EXOC4: variants seen among roughly 807,000 people sequenced by gnomAD.
The protein encoded by EXOC4 is exocyst complex component 4, also known as SEC8-like 1.
In EXOC4, 71 loss-of-function variants were observed where a neutral mutation model predicts 107.2. The ratio of observed to expected loss-of-function variants is 0.66; its 90% CI spans 0.55 to 0.81. The LOEUF is 0.81. Among genes scored for constraint, EXOC4 ranks in the 30% least tolerant of loss-of-function variants. The pLI, the probability that EXOC4 is intolerant of heterozygous loss-of-function variation, is 0.00. For missense variants in EXOC4, 1,108 were observed against 1,189.6 expected (o/e 0.93, Z 1.01); for synonymous variants, 456 against 441.2 (o/e 1.03, Z -0.42).
intron 7 of EXOC4, among the ~76,000 whole-genome samples, chr7:133,428,735 G>A (rs1797784097): frequency 6.6e-6 from 1 of 152,140 alleles, no homozygotes; most frequent in Admixed American, 6.5e-5. Context: ...TTTCTGGTAT[G>A]CCACTTGCTT....
intron 9 of EXOC4, among the ~76,000 whole-genome samples, chr7:133,498,199 A>G (rs1016681205): frequency 6.6e-5 from 10 of 151,750 alleles, no homozygotes; most frequent in African/African-American, 1.9e-4. Context: ...GGCATCCTTG[A>G]CTCCTCCTTC....
At chr7:134,008,327 A>G (rs1434285156) in intron 17 of EXOC4, among the ~76,000 whole-genome samples, 1 of 152,128 alleles carries the variant, frequency 6.6e-6, no homozygotes, top group Non-Finnish European at 1.5e-5. Context: ...GTTTTCCCCT[A>G]TCAATAACGT....
rs564123018 is a variant in EXOC4 at position 133,287,159 on chromosome 7, C to G, written c.277-1763C>G. ...TACCATCCCTTATTTGCTGTTCTTC[C>G]TCTCTGTTCTCTCTTTATGCTTCAA... On this transcript the variant is annotated intron_variant, in intron 2 of 17. Transcript: ENST00000253861. 1.1e-4 allele frequency among the ~76,000 whole-genome samples: 17 copies of G among 152,218 alleles called. No homozygotes were observed. The South Asian group carries it at 2.7e-3, about 24-fold the overall frequency.
chr7:133,471,135 G>T (rs1022599897), intron 7 of EXOC4, among the ~76,000 whole-genome samples: 1 of 152,106 alleles, frequency 6.6e-6, no homozygotes, highest in Non-Finnish European at 1.5e-5. Flanking sequence ...ATTCTGGCCG[G>T]GTGTGCTGGC....
chr7:133,484,943 G>A (rs1159619231), intron 9 of EXOC4, among the ~76,000 whole-genome samples: 8 of 151,604 alleles, frequency 5.3e-5, no homozygotes, highest in Non-Finnish European at 4.4e-5. Flanking sequence ...AGCCTGGCGT[G>A]GTGGCGGACA....
intron 1 of EXOC4, among the ~76,000 whole-genome samples, chr7:133,263,351 GAT>G (rs1386592651): frequency 7.0e-6 from 1 of 143,124 alleles, no homozygotes; most frequent in Non-Finnish European, 1.5e-5. Flanking sequence ...ACATTATATA[GAT>G]ATGTTTTTTA....
At chr7:133,796,484 C>A (rs112819438) in intron 10 of EXOC4, among the ~76,000 whole-genome samples, 112 of 152,160 alleles carry the variant, frequency 7.4e-4, no homozygotes, top group African/African-American at 2.6e-3. Context: ...TGGCCGGGCG[C>A]GGTGGTGGCT....
intron 7 of EXOC4, among the ~76,000 whole-genome samples, chr7:133,427,413 T>C (rs1797751640): frequency 6.6e-6 from 1 of 152,196 alleles, no homozygotes; most frequent in African/African-American, 2.4e-5. Context: ...CTTGAAACTA[T>C]TATCTTATGG....
chr7:134,075,430 G>T, the EXOC4 span, among the ~76,000 whole-genome samples: 1 of 152,166 alleles, frequency 6.6e-6, no homozygotes, highest in African/African-American at 2.4e-5. Context: ...TCACAGTTCC[G>T]CATGGCTTGG....
chr7:133,545,916 G>A (rs1260863727), intron 9 of EXOC4, among the ~76,000 whole-genome samples: 1 of 152,110 alleles, frequency 6.6e-6, no homozygotes, highest in African/African-American at 2.4e-5. Context: ...ATATTTTGGG[G>A]TTTCCAGTGC....
At chr7:133,592,214 G>A (rs1029395679) in intron 9 of EXOC4, among the ~76,000 whole-genome samples, 2 of 151,842 alleles carry the variant, frequency 1.3e-5, no homozygotes, top group African/African-American at 2.4e-5. Context: ...GGTGTGTGCC[G>A]CCACATCCAG....
intron 10 of EXOC4, among the ~76,000 whole-genome samples, chr7:133,758,884 A>G (rs1335779992): frequency 2.0e-5 from 3 of 152,178 alleles, no homozygotes; most frequent in South Asian, 2.1e-4. Flanking sequence ...GACAAAGATC[A>G]TGTTATTCAT....
intron 9 of EXOC4, chr7:133,551,901 A>G (rs900801674): frequency 1.3e-5 from 2 of 152,162 alleles, no homozygotes; most frequent in African/African-American, 4.8e-5. Flanking sequence ...TGTTTCTATC[A>G]CCTCATTAAC....
intron 9 of EXOC4, among the ~76,000 whole-genome samples, chr7:133,574,244 C>T (rs529679782): frequency 6.6e-6 from 1 of 151,942 alleles, no homozygotes; most frequent in South Asian, 2.1e-4. Context: ...TGTATACATG[C>T]ATAATCATAT....
At chr7:133,419,951 G>A (rs188185360) in intron 7 of EXOC4, among the ~76,000 whole-genome samples, 2 of 147,352 alleles carry the variant, frequency 1.4e-5, no homozygotes, top group Admixed American at 1.4e-4. Context: ...AACTGAGGAA[G>A]AGTCTGCTTC....
rs544704855 is a variant in EXOC4, at chr7:133,852,211, T to C, written c.1734+34667T>C. ...TTTTTATTCAAAGTTGGCAATAAAGTCATTGTATAGAGCATTTTTTTTTTT... is the reference window on the plus strand; with the variant it reads ...TTTTTATTCAAAGTTGGCAATAAAGCCATTGTATAGAGCATTTTTTTTTTT... On this transcript the variant is annotated intron_variant, in intron 11 of 17. Coordinates refer to ENST00000253861, the MANE Select transcript of EXOC4 (RefSeq NM_021807.4). 8.7e-5 allele frequency among the ~76,000 whole-genome samples: 13 copies of C among 149,946 alleles called. No individual in the cohort carries two copies. In the South Asian group the frequency reaches 2.5e-3, roughly 29 times the overall value.
At chr7:133,877,628 C>G (rs1441472277) in intron 11 of EXOC4, among the ~76,000 whole-genome samples, 3 of 152,178 alleles carry the variant, frequency 2.0e-5, no homozygotes, top group Non-Finnish European at 4.4e-5. Flanking sequence ...TGTGTGAACT[C>G]TGGGATTATT....
intron 17 of EXOC4, among the ~76,000 whole-genome samples, chr7:134,058,847 T>G (rs2116617753): frequency 6.6e-6 from 1 of 152,330 alleles, no homozygotes; most frequent in African/African-American, 2.4e-5. Flanking sequence ...TTTTGAGGCC[T>G]TAGACAAATC....
intron 7 of EXOC4, among the ~76,000 whole-genome samples, chr7:133,405,207 A>G (rs1197719875): frequency 6.6e-6 from 1 of 152,214 alleles, no homozygotes; most frequent in East Asian, 1.9e-4. Context: ...TTTAGTAATA[A>G]AGCTTTAATG....
Sources: gnomAD v4.1 joint callset for allele counts (sites outside exome capture counted in the v4.1 genomes callset) on GRCh38, gnomAD v4.1.1 for gene constraint, MANE v1.5 for transcripts, NCBI Gene and HGNC (gene_info 2026-07-23, HGNC 2026-07-21) for gene names.